NRXN3: variants seen among roughly 807,000 people sequenced by gnomAD.
NRXN3 encodes the protein neurexin III.
In NRXN3, 32 loss-of-function variants were observed where a neutral mutation model predicts 137.6. The observed-to-expected ratio is 0.23, with a 90% CI of 0.18 to 0.31. NRXN3 has a LOEUF of 0.31. Among genes scored for constraint, NRXN3 ranks in the 10% least tolerant of loss-of-function variants. NRXN3 has a pLI of 1.00. For missense variants in NRXN3, 1,574 were observed against 2,062.5 expected, an observed-to-expected ratio of 0.76 and a Z score of 4.59; for synonymous variants, 798 against 784.5, an observed-to-expected ratio of 1.02 and a Z score of -0.29.
chr14:78,924,251 A>T (rs1475979274), intron 10 of NRXN3, among the ~76,000 whole-genome samples: 1 of 152,244 alleles, frequency 6.6e-6, no homozygotes, highest in African/African-American at 2.4e-5. Flanking sequence ...AAACAAACAA[A>T]CAAAAAAACT....
intron 16 of NRXN3, among the ~76,000 whole-genome samples, chr14:79,521,868 T>C (rs1412649133): frequency 6.6e-6 from 1 of 152,204 alleles, no homozygotes; most frequent in Non-Finnish European, 1.5e-5. Context: ...CATTTCCTAG[T>C]AGTTTCCTCA....
At chr14:79,044,468 T>C (rs1192419515) in intron 15 of NRXN3, among the ~76,000 whole-genome samples, 3 of 152,184 alleles carry the variant, frequency 2.0e-5, no homozygotes, top group Non-Finnish European at 4.4e-5. Flanking sequence ...AGAATAATGA[T>C]TGTACCTTTT....
chr14:79,691,957 C>T (rs1223863818), intron 17 of NRXN3, among the ~76,000 whole-genome samples: 2 of 152,024 alleles, frequency 1.3e-5, no homozygotes, highest in Admixed American at 6.6e-5. Flanking sequence ...TTCCATGCCA[C>T]TTTTCCAAAA....
At chr14:78,319,813 C>G (rs1356347925) in intron 4 of NRXN3, among the ~76,000 whole-genome samples, 2 of 152,160 alleles carry the variant, frequency 1.3e-5, no homozygotes, top group Non-Finnish European at 2.9e-5. Context: ...CTCCCTGTTA[C>G]CCATCTGTAT....
chr14:79,471,029 G>C (rs1309329244), intron 16 of NRXN3, among the ~76,000 whole-genome samples: 1 of 149,498 alleles, frequency 6.7e-6, no homozygotes, highest in African/African-American at 2.5e-5. Flanking sequence ...AAGAAAGTTT[G>C]TATTTTTTTA....
At chr14:78,501,646 C>T (rs566900859) in intron 4 of NRXN3, among the ~76,000 whole-genome samples, 1 of 152,230 alleles carries the variant, frequency 6.6e-6, no homozygotes, top group South Asian at 2.1e-4. Context: ...TAGAAGTTGT[C>T]TACCATGGGC....
At chr14:78,278,973 C>T (rs2074011497) in intron 3 of NRXN3, among the ~76,000 whole-genome samples, 1 of 152,148 alleles carries the variant, frequency 6.6e-6, no homozygotes. Flanking sequence ...TATGTATTCT[C>T]CAATTTAATG....
At chr14:79,618,595 C>T (rs2098188073) in intron 16 of NRXN3, among the ~76,000 whole-genome samples, 1 of 152,058 alleles carries the variant, frequency 6.6e-6, no homozygotes, top group Non-Finnish European at 1.5e-5. Context: ...ATCCAATCCA[C>T]CATTGATAGG....
At chr14:78,422,089 C>T (rs560416230) in intron 4 of NRXN3, among the ~76,000 whole-genome samples, 8 of 152,190 alleles carry the variant, frequency 5.3e-5, no homozygotes, top group South Asian at 2.1e-4. Flanking sequence ...CCTGGAGGAT[C>T]GGAGAAGTGA....
intron 19 of NRXN3, among the ~76,000 whole-genome samples, chr14:79,785,576 A>AATCT (rs1380177758): frequency 2.0e-5 from 3 of 152,172 alleles, no homozygotes; most frequent in African/African-American, 7.2e-5. Flanking sequence ...TCCCACTCAG[A>AATCT]ATCTATCTCT....
intron 20 of NRXN3, among the ~76,000 whole-genome samples, chr14:79,833,015 T>G (rs1420403627): frequency 3.3e-5 from 5 of 152,178 alleles, no homozygotes; most frequent in Admixed American, 3.3e-4. Flanking sequence ...AAACCTACTA[T>G]TCAGTGACTA....
chr14:78,635,255 A>G (rs1335325195), intron 4 of NRXN3, among the ~76,000 whole-genome samples: 1 of 152,194 alleles, frequency 6.6e-6, no homozygotes, highest in Non-Finnish European at 1.5e-5. Context: ...TCTTGGGCTA[A>G]AGAGATATTT....
At chr14:79,388,901 T>A (rs1261148091) in intron 15 of NRXN3, among the ~76,000 whole-genome samples, 1 of 152,176 alleles carries the variant, frequency 6.6e-6, no homozygotes, top group Non-Finnish European at 1.5e-5. Flanking sequence ...TCACGAGATC[T>A]GGCGGTTTTA....
chr14:79,635,877 G>C (rs537671444), intron 16 of NRXN3, among the ~76,000 whole-genome samples: 2 of 152,190 alleles, frequency 1.3e-5, no homozygotes, highest in South Asian at 4.2e-4. Flanking sequence ...TAGAAGTGCA[G>C]ACCAAAGGGG....
chr14:78,942,363 C>G (rs113032694), intron 10 of NRXN3, among the ~76,000 whole-genome samples: 4,632 of 152,262 alleles, frequency 0.03, 237 homozygotes, highest in African/African-American at 0.11. Flanking sequence ...CCTCTACTTT[C>G]AGCTTTGGGA....
At chr14:79,084,234 A>T (rs896936863) in intron 15 of NRXN3, among the ~76,000 whole-genome samples, 2 of 152,124 alleles carry the variant, frequency 1.3e-5, no homozygotes, top group African/African-American at 4.8e-5. Context: ...AGTTTTGAGG[A>T]GTGATGGAAA....
intron 8 of NRXN3, among the ~76,000 whole-genome samples, chr14:78,758,362 A>C (rs553280336): frequency 1.3e-5 from 2 of 152,380 alleles, no homozygotes; most frequent in East Asian, 3.9e-4. Flanking sequence ...TAAACCTTCC[A>C]GCCATGGCCA....
intron 15 of NRXN3, among the ~76,000 whole-genome samples, chr14:79,273,067 G>A (rs1023036993): frequency 2.7e-5 from 4 of 150,850 alleles, no homozygotes; most frequent in Non-Finnish European, 5.9e-5. Flanking sequence ...CGCTACTCGG[G>A]AGGATGAAAA....
intron 6 of NRXN3, among the ~76,000 whole-genome samples, chr14:78,678,176 G>A (rs1335225589): frequency 6.6e-6 from 1 of 152,032 alleles, no homozygotes; most frequent in Non-Finnish European, 1.5e-5. Flanking sequence ...ATTACACTTT[G>A]AGTGTTCAAA....
Sources: allele counts gnomAD v4.1 joint callset (sites outside exome capture counted in the v4.1 genomes callset), GRCh38; gene constraint gnomAD v4.1.1; transcripts MANE v1.5; gene names NCBI Gene and HGNC (gene_info 2026-07-23, HGNC 2026-07-21).